CA10: variants seen among roughly 807,000 people sequenced by gnomAD.
The protein encoded by CA10 is carbonic anhydrase 10 (inactive), also known as carbonic anhydrase-related protein 10.
A neutral mutation model predicts 44.2 loss-of-function variants in CA10; 14 were observed. The observed-to-expected ratio is 0.32, with a 90% CI of 0.21 to 0.50. The LOEUF is 0.50. Ranked by LOEUF, CA10 falls within the 20% of genes least tolerant of loss-of-function variation. The pLI, the probability that CA10 is intolerant of heterozygous loss-of-function variation, is 0.99. For missense variants in CA10, 350 were observed against 409.7 expected, an observed-to-expected ratio of 0.85 and a Z score of 1.26; for synonymous variants, 159 against 141.6, an observed-to-expected ratio of 1.12 and a Z score of -0.87.
At chr17:51,970,205 A>C (rs1984231144) in intron 2 of CA10, among the ~76,000 whole-genome samples, 1 of 152,074 alleles carries the variant, frequency 6.6e-6, no homozygotes. Flanking sequence ...AATCCTATTA[A>C]AGCACAATCT....
chr17:51,760,473 G>A (rs1344102825), intron 3 of CA10, among the ~76,000 whole-genome samples: 3 of 152,062 alleles, frequency 2.0e-5, no homozygotes, highest in East Asian at 1.9e-4. Context: ...AGATGGTGGC[G>A]GTATGGAGGA....
chr17:51,642,422 A>T (rs981828251), intron 6 of CA10, among the ~76,000 whole-genome samples: 2 of 152,206 alleles, frequency 1.3e-5, no homozygotes, highest in Admixed American at 1.3e-4. Context: ...TTCCAAGTTG[A>T]TCTGTCCTTG....
chr17:51,857,928 G>C (rs1425797629), intron 3 of CA10, among the ~76,000 whole-genome samples: 1 of 152,158 alleles, frequency 6.6e-6, no homozygotes, highest in Admixed American at 6.6e-5. Flanking sequence ...AAATTCAGGG[G>C]TTTCTCCTTA....
chr17:51,930,931 T>G, intron 3 of CA10, 59 bp downstream of exon 3: 3 of 1,593,916 alleles, frequency 1.9e-6, no homozygotes, highest in Non-Finnish European at 2.6e-6. Context: ...GAGGATTAGC[T>G]TTCAGAATCA....
At chr17:51,906,936 G>A (rs1461972385) in intron 3 of CA10, among the ~76,000 whole-genome samples, 2 of 152,228 alleles carry the variant, frequency 1.3e-5, no homozygotes, top group African/African-American at 4.8e-5. Context: ...ATGACACAGT[G>A]GTTTCCTAGT....
chr17:52,047,246 T>C (rs577475003), intron 2 of CA10, among the ~76,000 whole-genome samples: 1 of 152,142 alleles, frequency 6.6e-6, no homozygotes, highest in East Asian at 2.0e-4. Context: ...TCTCTTAATA[T>C]GAACCTCTGG....
intron 2 of CA10, among the ~76,000 whole-genome samples, chr17:51,993,921 A>G (rs1985132726): frequency 6.6e-6 from 1 of 152,058 alleles, no homozygotes; most frequent in South Asian, 2.1e-4. Context: ...GGGTGCTGGC[A>G]TGCAGAGATA....
chr17:51,632,441 C>G (rs1268412490), intron 8 of CA10, among the ~76,000 whole-genome samples: 1 of 152,120 alleles, frequency 6.6e-6, no homozygotes, highest in South Asian at 2.1e-4. Context: ...AAGAAGGGAA[C>G]AAGGGGGAAG....
intron 2 of CA10, among the ~76,000 whole-genome samples, chr17:52,061,634 T>C (rs1177781984): frequency 6.6e-6 from 1 of 152,136 alleles, no homozygotes; most frequent in Non-Finnish European, 1.5e-5. Flanking sequence ...TGAGTTCTCA[T>C]GAAATCTCAT....
intron 2 of CA10, among the ~76,000 whole-genome samples, chr17:51,950,760 T>C (rs1274125225): frequency 6.6e-6 from 1 of 152,142 alleles, no homozygotes; most frequent in Non-Finnish European, 1.5e-5. Flanking sequence ...ATCTGTTTCT[T>C]CCCAAGACCC....
chr17:51,935,464 C>T (rs1054080381), intron 2 of CA10, among the ~76,000 whole-genome samples: 5 of 152,166 alleles, frequency 3.3e-5, no homozygotes, highest in African/African-American at 1.2e-4. Flanking sequence ...TCATCCTTGG[C>T]ATCCTTTTTG....
At chr17:51,864,753 G>A (rs1302555774) in intron 3 of CA10, among the ~76,000 whole-genome samples, 1 of 152,150 alleles carries the variant, frequency 6.6e-6, no homozygotes, top group Non-Finnish European at 1.5e-5. Context: ...TGTCATTTGA[G>A]TTGCCACTCC....
At position 52,089,618 on chromosome 17, in the gene CA10, G is replaced by A. The variant is rs866701475; in HGVS notation, c.62-17225C>T. 3.3e-4 allele frequency among the ~76,000 whole-genome samples: 50 copies of A among 151,054 alleles called. 1 individual carries two copies. The highest frequency in any genetic ancestry group is 1.2e-3 in the African/African-American group (50 of 41,096). ...TACTGTTTTTTTTTTCCCTCTATAC[G>A]TAGACACTTATGATAAAGTTTAATT... On this transcript the variant is annotated intron_variant, in intron 1 of 8. Transcript: ENST00000451037.
intron 4 of CA10, among the ~76,000 whole-genome samples, chr17:51,727,942 G>A (rs1916585425): frequency 6.6e-6 from 1 of 152,016 alleles, no homozygotes; most frequent in Non-Finnish European, 1.5e-5. Context: ...CTGGAATGCA[G>A]TGGCATGATC....
At chr17:51,700,457 C>T (rs929712862) in intron 4 of CA10, among the ~76,000 whole-genome samples, 1 of 152,190 alleles carries the variant, frequency 6.6e-6, no homozygotes, top group Non-Finnish European at 1.5e-5. Context: ...ATGCTCTGGC[C>T]ACATTGGCCT....
At position 51,921,438 on chromosome 17, in the gene CA10, T is replaced by C. The variant is rs923293044; in HGVS notation, c.279+9552A>G. On this transcript the variant is annotated intron_variant, in intron 3 of 8. Coordinates refer to ENST00000451037, the MANE Select transcript of CA10 (RefSeq NM_020178.5). ...TCTGAGCCTGCACAGAAAAGGTACA[T>C]TTAAAATCAGCTGTAATGACTTCTT... Among the ~76,000 whole-genome samples the C allele has an allele frequency of 5.9e-5, 9 of 152,352 alleles. No individual in the cohort carries two copies. In the East Asian group the frequency reaches 1.5e-3, roughly 26 times the overall value.
chr17:51,985,051 G>T (rs1326894086), intron 2 of CA10, among the ~76,000 whole-genome samples: 1 of 151,770 alleles, frequency 6.6e-6, no homozygotes, highest in South Asian at 2.1e-4. Context: ...AACCAGGAAA[G>T]GACATAACCA....
intron 2 of CA10, among the ~76,000 whole-genome samples, chr17:52,044,364 C>A (rs1372168089): frequency 6.6e-6 from 1 of 152,038 alleles, no homozygotes; most frequent in African/African-American, 2.4e-5. Flanking sequence ...GGTACAGTTG[C>A]ATGATCATTG....
chr17:52,032,563 C>T (rs1204256030), intron 2 of CA10, among the ~76,000 whole-genome samples: 2 of 152,154 alleles, frequency 1.3e-5, no homozygotes, highest in African/African-American at 2.4e-5. Flanking sequence ...AGAAAATGGG[C>T]TATGCCTCTG....
Sources: allele counts gnomAD v4.1 joint callset (sites outside exome capture counted in the v4.1 genomes callset), GRCh38; gene constraint gnomAD v4.1.1; transcripts MANE v1.5; gene names NCBI Gene and HGNC (gene_info 2026-07-23, HGNC 2026-07-21).